The following CR1 variants were observed in gnomAD, a reference collection of about 807,000 sequenced individuals.
CR1 encodes the protein complement C3b/C4b receptor 1 (Knops blood group).
In CR1, 116 loss-of-function variants were observed where a neutral mutation model predicts 187.3. The observed-to-expected ratio is 0.62, with a 90% confidence interval of 0.53 to 0.72. The LOEUF (loss-of-function observed/expected upper bound fraction) is 0.72. Ranked by LOEUF, CR1 falls within the 30% of genes least tolerant of loss-of-function variation. The probability of loss-of-function intolerance (pLI) is 0.00; values close to 1 mark genes in which losing one functional copy is unlikely to be tolerated. For missense variants in CR1, 1,731 were observed against 2,110.7 expected (o/e 0.82, Z 3.52); for synonymous variants, 576 against 747.1 (o/e 0.77, Z 3.73).
chr1:207,509,322 C>G (rs562106762), intron 3 of CR1, among the ~76,000 whole-genome samples: 50 of 152,276 alleles, frequency 3.3e-4, no homozygotes, highest in Non-Finnish European at 4.9e-4. Context: ...ATCCACAACT[C>G]TCTCTTCCCC....
chr1:207,621,573 T>C (rs1182537407), intron 43 of CR1, among the ~76,000 whole-genome samples: 9 of 152,276 alleles, frequency 5.9e-5, no homozygotes, highest in Middle Eastern at 3.4e-3. Context: ...ATAGAAGTCA[T>C]TGAATACACT....
intron 3 of CR1, among the ~76,000 whole-genome samples, chr1:207,509,507 C>T (rs1375194319): frequency 6.6e-6 from 1 of 152,146 alleles, no homozygotes; most frequent in South Asian, 2.1e-4. Context: ...GCTTAATCTA[C>T]TTTGGGACAC....
chr1:207,566,206 A>G (rs1660491410), intron 24 of CR1, among the ~76,000 whole-genome samples: 1 of 149,542 alleles, frequency 6.7e-6, no homozygotes, highest in African/African-American at 2.5e-5. Flanking sequence ...AGCTTTAACA[A>G]TTTTCTTTCT....
chr1:207,576,091 G>A (rs542844697), intron 28 of CR1, among the ~76,000 whole-genome samples: 1 of 152,284 alleles, frequency 6.6e-6, no homozygotes, highest in South Asian at 2.1e-4. Flanking sequence ...CTTATTCTTT[G>A]TCTAAACAGG....
intron 40 of CR1, among the ~76,000 whole-genome samples, 163 bp from the exon 41 acceptor site, chr1:207,616,412 A>T (rs1662096943): frequency 6.6e-6 from 1 of 152,226 alleles, no homozygotes; most frequent in Non-Finnish European, 1.5e-5. Flanking sequence ...CACTTCAGTT[A>T]GTTGCCTCTC....
At chr1:207,615,520 A>T (rs991521861) in intron 40 of CR1, among the ~76,000 whole-genome samples, 2 of 152,214 alleles carry the variant, frequency 1.3e-5, no homozygotes, top group African/African-American at 4.8e-5. Context: ...TTCAGAAAAA[A>T]TTCAGAAACT....
Position 207,618,214 on chromosome 1 carries a change from G to A in CR1, c.7033G>A (p.Gly2345Arg). ...GGGCTTCATTTTCTGTACAGACCAG[G>A]GAATCTGGAGCCAATTGGATCATTA... ...GKGFIFCTDQ[G>R]IWSQLDHYCK... Residue 2345 changes from glycine to arginine, a missense_variant, in exon 42 of 47, where the codon GGA becomes AGA. Physicochemically the swap from Gly to Arg is moderately radical, Grantham distance 125 (BLOSUM62 -2). Around this residue, in one of 5 missense-constraint regions of CR1, gnomAD observed 1,312 missense variants for 1,379.6 expected, o/e 0.95. Transcript: ENST00000367049. 6.2e-7 allele frequency: 1 copy of A among 1,613,664 alleles called. No homozygotes were observed. Among genetic ancestry groups the A allele is most frequent in the Non-Finnish European group, 8.5e-7 (1 of 1,179,746 alleles).
chr1:207,592,967 A>G (rs764535580), intron 35 of CR1, among the ~76,000 whole-genome samples: 17 of 151,582 alleles, frequency 1.1e-4, no homozygotes, highest in Admixed American at 3.3e-4. Context: ...TGAAAAAAAC[A>G]TTTCACGATT....
chr1:207,498,602 G>T (rs1272242166), intron 1 of CR1, among the ~76,000 whole-genome samples: 2 of 152,080 alleles, frequency 1.3e-5, no homozygotes, highest in African/African-American at 4.8e-5. Flanking sequence ...AAGATGGCTG[G>T]GGACAGTGGC....
Position 207,523,986 on chromosome 1 carries a change from C to T in CR1, c.863C>T (p.Pro288Leu), listed in dbSNP as rs375365893. 2.2e-5 allele frequency: 35 copies of T among 1,611,640 alleles called. No individual in the cohort carries two copies. The African/African-American group carries it at 2.3e-4, about 10-fold the overall frequency. The change falls in exon 5 of 47, where the codon CCG (proline) becomes CTG (leucine). Residue 288 changes from proline (P) to leucine (L), a missense_variant. Physicochemically the swap from Pro to Leu is moderately conservative, Grantham distance 98 (BLOSUM62 -3). This residue lies in a region of CR1 where 131 missense variants were observed against 196.8 expected (regional missense o/e 0.67). Transcript: ENST00000367049. ...TGCCAGGCCCTGAACAAATGGGAGC[C>T]GGAGCTACCAAGCTGCTCCAGGGGT... ...VKCQALNKWE[P>L]ELPSCSRVCQ... is the part of the protein sequence containing the mutation.
intron 42 of CR1, among the ~76,000 whole-genome samples, chr1:207,619,051 A>AAG (rs67598850): frequency 1.8e-3 from 92 of 50,446 alleles, no homozygotes; most frequent in African/African-American, 3.0e-3. Context: ...AAAAAAAAAA[A>AAG]AAAAGAAAAG....
chr1:207,626,431 G>A (rs753407063), intron 45 of CR1, among the ~76,000 whole-genome samples: 93 of 152,284 alleles, frequency 6.1e-4, no homozygotes, highest in Non-Finnish European at 1.3e-3. Flanking sequence ...GAGGAGGGCT[G>A]ATTATTCCTT....
intron 45 of CR1, among the ~76,000 whole-genome samples, chr1:207,628,823 C>T (rs971062955): frequency 2.6e-5 from 4 of 152,102 alleles, no homozygotes; most frequent in Non-Finnish European, 5.9e-5. Flanking sequence ...GAACCAGTAT[C>T]TTTCTAGAGA....
At chr1:207,627,853 G>A (rs1286534983) in intron 45 of CR1, among the ~76,000 whole-genome samples, 3 of 152,134 alleles carry the variant, frequency 2.0e-5, no homozygotes, top group African/African-American at 7.2e-5. Flanking sequence ...GGTGGGGATC[G>A]CTTTCTAGTT....
At position 207,616,558 on chromosome 1, in the gene CR1, T is replaced by A. The variant is rs758173490; in HGVS notation, c.6662-17T>A. ...GTGAAATTCTAATAGAACTTAAAGC[T>A]CTTGTTTTCTTTCTAGAAATCTTTT... On this transcript the variant is annotated splice_polypyrimidine_tract_variant and intron_variant, in intron 40 of 46. Transcript: ENST00000367049. The A allele has an allele frequency of 6.2e-7, 1 of 1,611,552 alleles. No individual in the cohort carries two copies. Among genetic ancestry groups the A allele is most frequent in the Non-Finnish European group, 8.5e-7 (1 of 1,178,254 alleles).
intron 5 of CR1, 101 bp from the exon 6 acceptor site, chr1:207,526,652 T>A: frequency 6.9e-7 from 1 of 1,449,682 alleles, no homozygotes; most frequent in Non-Finnish European, 9.1e-7. Flanking sequence ...CTAACTTTAT[T>A]ATTATATATA....
At chr1:207,632,601 C>T (rs1052799941) in intron 46 of CR1, among the ~76,000 whole-genome samples, 3 of 152,022 alleles carry the variant, frequency 2.0e-5, no homozygotes, top group African/African-American at 7.2e-5. Context: ...TTCTGGCTAA[C>T]ACGGTGAAAC....
At position 207,630,588 on chromosome 1, in the gene CR1, C is replaced by T. The variant is rs758680091; in HGVS notation, c.7424C>T (p.Pro2475Leu). 9.9e-6 allele frequency: 16 copies of T among 1,609,360 alleles called. No homozygotes were observed. In the South Asian group the frequency reaches 1.8e-4, roughly 18 times the overall value. The change falls in exon 46 of 47, where the codon CCC (proline) becomes CTC (leucine). Residue 2475 changes from proline to leucine, a missense_variant. By Grantham distance (98) the Pro-to-Leu change is moderately conservative. Around this residue, in one of 5 missense-constraint regions of CR1, gnomAD observed 1,312 missense variants for 1,379.6 expected, o/e 0.95. Transcript: ENST00000367049. ...LHSQGGSSVH[P>L]RTLQTNEENS... ...TCTCAAGGAGGCAGCAGCGTTCATC[C>T]CCGAACTCTGCAAACAAATGAAGAA...
At chr1:207,597,148 A>G (rs922882232) in intron 35 of CR1, among the ~76,000 whole-genome samples, 3 of 151,350 alleles carry the variant, frequency 2.0e-5, no homozygotes, top group Admixed American at 1.3e-4. Flanking sequence ...AAAAAAACAA[A>G]CTCCATTTAG....
Sources: allele counts gnomAD v4.1 joint callset (sites outside exome capture counted in the v4.1 genomes callset), GRCh38; gene constraint gnomAD v4.1.1; regional missense constraint gnomAD v4.1.1; transcripts MANE v1.5; gene names NCBI Gene and HGNC (gene_info 2026-07-23, HGNC 2026-07-21).